Variants in EIF4G1 observed in about 807,000 individuals in gnomAD.
EIF4G1 encodes the protein EIF4-gamma.
In EIF4G1, 4 loss-of-function variants were observed where a neutral mutation model predicts 187.8. The ratio of observed to expected loss-of-function variants is 0.02; its 90% CI spans 0.01 to 0.05. The LOEUF (loss-of-function observed/expected upper bound fraction) is 0.05. Among genes scored for constraint, EIF4G1 ranks in the 10% least tolerant of loss-of-function variants. The probability of loss-of-function intolerance (pLI) is 1.00; values close to 1 mark genes in which losing one functional copy is unlikely to be tolerated. For missense variants in EIF4G1, 1,647 were observed against 2,081.1 expected (o/e 0.79, Z 4.06); for synonymous variants, 844 against 781.4 (o/e 1.08, Z -1.34).
rs763123887 is a variant in EIF4G1 at position 184,325,151 on chromosome 3, G to GCATAT, written c.2856+38_2856+42dup. On this transcript the variant is annotated intron_variant, in intron 18 of 32. Coordinates refer to ENST00000346169, the MANE Select transcript of EIF4G1 (RefSeq NM_198241.3). This position sits in a 1 kb window ranked among gnomAD's most constrained non-coding sequence, Gnocchi z 5.2. ...TGCATCTGGAGGGGGATGGGCTGAA[G>GCATAT]CATATGTGGGGCTCACTGAGCCCAC... 1 of 1,609,612 alleles carries GCATAT rather than the reference G, an allele frequency of 6.2e-7. No individual in the cohort carries two copies. Among genetic ancestry groups the GCATAT allele is most frequent in the Non-Finnish European group, 8.5e-7 (1 of 1,175,974 alleles).
intron 7 of EIF4G1, 132 bp downstream of exon 7, chr3:184,319,933 G>A (rs1723569972): frequency 1.4e-6 from 1 of 730,914 alleles, no homozygotes; most frequent in South Asian, 1.6e-5. Context: ...AATGGTGTCT[G>A]TGGAGGGCTC....
intron 16 of EIF4G1, 53 bp downstream of exon 16, chr3:184,324,030 C>T: frequency 6.2e-7 from 1 of 1,610,982 alleles, no homozygotes; most frequent in South Asian, 1.1e-5. Context: ...ATTCCTATTC[C>T]CAAGACTCCT....
chr3:184,327,800 T>G (rs1577238561), intron 25 of EIF4G1, 30 bp from the exon 26 acceptor site: 1 of 1,614,054 alleles, frequency 6.2e-7, no homozygotes, highest in Non-Finnish European at 8.5e-7. Flanking sequence ...CAGTGACTGG[T>G]CTCTTCCTGC....
intron 4 of EIF4G1, chr3:184,316,596 C>T (rs1722826712): frequency 4.9e-6 from 5 of 1,010,448 alleles, no homozygotes; most frequent in Non-Finnish European, 7.3e-6. Context: ...TTCTCTGTTC[C>T]CCAGCTTCTT....
Position 184,331,713 on chromosome 3 carries a change from G to A in EIF4G1, c.4396-15G>A. 1 of 1,614,208 alleles carries A rather than the reference G, an allele frequency of 6.2e-7. No individual in the cohort carries two copies. The highest frequency in any genetic ancestry group is 8.5e-7 in the Non-Finnish European group (1 of 1,180,042). ...CCAATTCAGAATCTGGGGATCATTT[G>A]TTTCTCCCATACAGGCCAACCTGAG... On this transcript the variant is annotated splice_polypyrimidine_tract_variant and intron_variant, in intron 30 of 32. Coordinates refer to ENST00000346169, the MANE Select transcript of EIF4G1 (RefSeq NM_198241.3).
At position 184,323,292 on chromosome 3, in the gene EIF4G1, A is replaced by G; in HGVS notation, c.2088+51A>G. 6.2e-7 allele frequency: 1 copy of G among 1,612,754 alleles called. No individual in the cohort carries two copies. Among genetic ancestry groups the G allele is most frequent in the Non-Finnish European group, 8.5e-7 (1 of 1,178,948 alleles). ...GGTGGGCAAGGAGTGGGAGTGGATG[A>G]TTCCGTGTCTCAGTGCCCGCGGGGA... is the stretch of plus-strand genomic sequence containing the variant. On this transcript the variant is annotated intron_variant, in intron 14 of 32. Coordinates refer to ENST00000346169, the MANE Select transcript of EIF4G1 (RefSeq NM_198241.3). The surrounding 1 kb of genome is among the most constrained non-coding windows in gnomAD (Gnocchi z 6.9).
intron 28 of EIF4G1, among the ~76,000 whole-genome samples, chr3:184,330,326 C>T (rs971316185): frequency 7.2e-5 from 11 of 152,098 alleles, no homozygotes; most frequent in African/African-American, 2.7e-4. Context: ...TTGCAGTAAG[C>T]CAAGATTGTG....
chr3:184,325,813 T>A lies in EIF4G1; in HGVS notation c.3122-38T>A. 3.7e-6 allele frequency: 6 copies of A among 1,613,670 alleles called. No homozygotes were observed. Among genetic ancestry groups the A allele is most frequent in the Non-Finnish European group, 5.1e-6 (6 of 1,179,674 alleles). On this transcript the variant is annotated intron_variant, in intron 20 of 32. Coordinates refer to ENST00000346169, the MANE Select transcript of EIF4G1 (RefSeq NM_198241.3). The surrounding 1 kb of genome is among the most constrained non-coding windows in gnomAD (Gnocchi z 5.2). ...CCCAAGGGGAAGGGGCTGCTAGGATTTATTCATTATTCCAGTATGCCCCTC... is the reference window on the plus strand; with the variant it reads ...CCCAAGGGGAAGGGGCTGCTAGGATATATTCATTATTCCAGTATGCCCCTC...
At chr3:184,327,731 G>C in intron 25 of EIF4G1, 27 bp downstream of exon 25, 1 of 1,613,578 alleles carries the variant, frequency 6.2e-7, no homozygotes, top group South Asian at 1.1e-5. Context: ...GCGTGTGATT[G>C]AGGAGTGGGC....
intron 28 of EIF4G1, among the ~76,000 whole-genome samples, chr3:184,329,842 T>G (rs1468644740): frequency 6.6e-6 from 1 of 152,116 alleles, no homozygotes; most frequent in African/African-American, 2.4e-5. Context: ...AAAGGTAAGT[T>G]GAATGTGGTA....
At position 184,321,971 on chromosome 3, in the gene EIF4G1, G is replaced by A. The variant is rs1355098520; in HGVS notation, c.1387G>A (p.Glu463Lys). 1 of 1,613,828 alleles carries A rather than the reference G, an allele frequency of 6.2e-7. No individual in the cohort carries two copies. The highest frequency in any genetic ancestry group is 8.5e-7 in the Non-Finnish European group (1 of 1,179,926). ...GGAGGAAATGGAAGAAGAAGAAGAA[G>A]AGGAAGAAGGAGAAGCAGGAGAAGC... is the stretch of plus-strand genomic sequence containing the variant. ...QEEEMEEEEEEEEGEAGEAGE... is the reference protein window; with the variant it reads ...QEEEMEEEEEKEEGEAGEAGE... The change falls in exon 10 of 33, where the codon GAG becomes AAG. Residue 463 changes from glutamate to lysine, a missense_variant. Physicochemically the swap from Glu to Lys is moderately conservative, Grantham distance 56 (BLOSUM62 1). Around this residue, in one of 11 missense-constraint regions of EIF4G1, gnomAD observed 522 missense variants for 485.2 expected, o/e 1.08. Coordinates refer to ENST00000346169, the MANE Select transcript of EIF4G1 (RefSeq NM_198241.3).
At chr3:184,327,058 G>C in intron 23 of EIF4G1, 75 bp downstream of exon 23, 15 of 1,602,224 alleles carry the variant, frequency 9.4e-6, no homozygotes, top group Non-Finnish European at 9.4e-6. Flanking sequence ...CCATAGGTTG[G>C]AAATTTCTTC....
intron 31 of EIF4G1, 29 bp from the exon 32 acceptor site, chr3:184,331,917 T>C: frequency 6.2e-7 from 1 of 1,614,072 alleles, no homozygotes; most frequent in Non-Finnish European, 8.5e-7. Flanking sequence ...TAAGGGTATA[T>C]TGCTCCACTC....
At chr3:184,327,155 T>C in intron 23 of EIF4G1, 61 bp from the exon 24 acceptor site, 4 of 1,600,278 alleles carry the variant, frequency 2.5e-6, no homozygotes, top group Non-Finnish European at 3.4e-6. Flanking sequence ...CAGCATGTTG[T>C]GTAATTACAT....
intron 30 of EIF4G1, 42 bp from the exon 31 acceptor site, chr3:184,331,686 G>T: frequency 1.2e-6 from 2 of 1,613,980 alleles, no homozygotes; most frequent in Non-Finnish European, 1.7e-6. Context: ...AGACTGAAGG[G>T]CCCAATTCAG....
intron 3 of EIF4G1, 132 bp from the exon 4 acceptor site, chr3:184,316,000 G>C: frequency 6.5e-7 from 1 of 1,531,700 alleles, no homozygotes; most frequent in Non-Finnish European, 8.8e-7. Flanking sequence ...CTGTCCCCGG[G>C]GGCTGTCACG....
Position 184,321,954 on chromosome 3 carries a change from TGGAAGAAGAAGAAGAAGA to T in EIF4G1, c.1379_1396del (p.Glu460_Glu465del), listed in dbSNP as rs750642842. The T allele has an allele frequency of 1.9e-5, 30 of 1,613,038 alleles. No homozygotes were observed. In the Admixed American group the frequency reaches 4.7e-4, roughly 25 times the overall value. ...ACTTCCCCAGCTCAGGAGGAGGAAA[TGGAAGAAGAAGAAGAAGA>T]GGAAGAAGGAGAAGCAGGAGAAGCA... On this transcript the variant is annotated inframe_deletion, in exon 10 of 33. Coordinates refer to ENST00000346169, the MANE Select transcript of EIF4G1 (RefSeq NM_198241.3).
Position 184,322,869 on chromosome 3 carries a change from A to C in EIF4G1, c.1844A>C (p.Glu615Ala). ...NLEEKKRYDR[E>A]FLLGFQFIFA... Reference sequence around the variant, plus strand: ...GAGGAGAAAAAACGTTACGACCGTGAGTTCCTGCTTGGTTTTCAGTTCATC... The same window carrying C: ...GAGGAGAAAAAACGTTACGACCGTGCGTTCCTGCTTGGTTTTCAGTTCATC... The change falls in exon 13 of 33, where the codon GAG becomes GCG. Residue 615 changes from glutamate to alanine, a missense_variant. Glu to Ala is a moderately radical substitution (Grantham distance 107). This residue lies in a region of EIF4G1 where 140 missense variants were observed against 222.2 expected (regional missense o/e 0.63). Coordinates refer to ENST00000346169, the MANE Select transcript of EIF4G1 (RefSeq NM_198241.3). 6.2e-7 allele frequency: 1 copy of C among 1,614,160 alleles called. No individual in the cohort carries two copies. The highest frequency in any genetic ancestry group is 8.5e-7 in the Non-Finnish European group (1 of 1,180,036).
Position 184,334,885 on chromosome 3 carries a change from G to C in EIF4G1, c.4777G>C (p.Glu1593Gln), listed in dbSNP as rs777103280. The part of the protein sequence containing the change: ...TAFFKWLREA[E>Q]EESDHN ...CTTCTTCAAGTGGCTCCGTGAAGCA[G>C]AGGAGGAGTCTGACCACAACTGAGG... The change falls in exon 33 of 33, where the codon GAG becomes CAG. Residue 1593 changes from glutamate to glutamine, a missense_variant. Around this residue, in one of 11 missense-constraint regions of EIF4G1, gnomAD observed 543 missense variants for 638.0 expected, o/e 0.85. Transcript: ENST00000346169. The surrounding 1 kb of genome is among the most constrained non-coding windows in gnomAD (Gnocchi z 5.8). The C allele has an allele frequency of 1.2e-6, 2 of 1,614,216 alleles. No individual in the cohort carries two copies. The highest frequency in any genetic ancestry group is 1.7e-6 in the Non-Finnish European group (2 of 1,180,028).
Sources: allele counts gnomAD v4.1 joint callset (sites outside exome capture counted in the v4.1 genomes callset), GRCh38; gene constraint gnomAD v4.1.1; regional missense constraint gnomAD v4.1.1; non-coding constraint Gnocchi (gnomAD v3.1); transcripts MANE v1.5; gene names NCBI Gene and HGNC (gene_info 2026-07-23, HGNC 2026-07-21).